ABCB4: variants seen among roughly 807,000 people sequenced by gnomAD.
ABCB4 encodes the protein ATP binding cassette subfamily B member 4, also known as phosphatidylcholine translocator ABCB4.
In ABCB4, 76 loss-of-function variants were observed where a neutral mutation model predicts 145.7. The ratio of observed to expected loss-of-function variants is 0.52; its 90% CI spans 0.43 to 0.63. The LOEUF (loss-of-function observed/expected upper bound fraction) is 0.63. ABCB4 is among the 30% of genes least tolerant of loss of function. The pLI, the probability that ABCB4 is intolerant of heterozygous loss-of-function variation, is 0.00. For synonymous variants in ABCB4, 517 were observed against 566.8 expected (o/e 0.91, Z 1.25); for missense variants, 1,234 against 1,553.1 (o/e 0.79, Z 3.45).
At chr7:87,375,971 C>T in the ABCB4 span, 53 of 1,302,486 alleles carry the variant, frequency 4.1e-5, no homozygotes, top group South Asian at 1.6e-4. Flanking sequence ...ACTACCTTCT[C>T]TTTTTTTTTT....
At position 87,440,115 on chromosome 7, in the gene ABCB4, A is replaced by G. The variant is rs45471996; in HGVS notation, c.1560+84T>C. On this transcript the variant is annotated intron_variant, in intron 13 of 27. Transcript: ENST00000649586. ...TGGACAATCTTGCATCTCAAACATT[A>G]TTAGCTAAACCTTTGAAGAATAAAC... The G allele has an allele frequency of 1.3e-4, 189 of 1,443,834 alleles. 2 individuals are homozygous for G. The East Asian group carries it at 3.9e-3, about 30-fold the overall frequency. The allele number at this position is 1,443,834 out of a possible 1,614,324, so 89.4% of individuals were successfully genotyped here. A position where few individuals can be genotyped will look rare whatever the true frequency, so the allele number is the denominator to read the frequency against.
chr7:87,403,009 T>TA, intron 27 of ABCB4, 126 bp downstream of exon 27: 6 of 1,116,916 alleles, frequency 5.4e-6, no homozygotes, highest in Non-Finnish European at 8.1e-6. Context: ...AAAATAAAAA[T>TA]AAAAACCACT....
rs1302360115 is a variant in ABCB4, at chr7:87,420,060, T to C, written c.2332A>G (p.Lys778Glu). The change falls in exon 19 of 28, where the codon AAA (lysine) becomes GAA (glutamate). Residue 778 changes from lysine to glutamate, a missense_variant. Physicochemically the swap from Lys to Glu is moderately conservative, Grantham distance 56. Around this residue, in one of 7 missense-constraint regions of ABCB4, gnomAD observed 321 missense variants for 332.6 expected, o/e 0.97. Coordinates refer to ENST00000649586, the MANE Select transcript of ABCB4 (RefSeq NM_000443.4). Reference sequence around the variant, plus strand: ...CTTCTGGTGAGGATCTCGCCAGCTTTCCCAAACGTGAAACCCTGGTTGAGA... The same window carrying C: ...CTTCTGGTGAGGATCTCGCCAGCTTCCCCAAACGTGAAACCCTGGTTGAGA... ...TFFLQGFTFG[K>E]AGEILTRRLR... 6.2e-7 allele frequency: 1 copy of C among 1,614,104 alleles called. No individual in the cohort carries two copies. Among genetic ancestry groups the C allele is most frequent in the Admixed American group, 1.7e-5 (1 of 60,018 alleles).
rs148792791 is a variant in ABCB4 at position 87,431,514 on chromosome 7, G to A, written c.1783C>T (p.Arg595Ter). 9.9e-6 allele frequency: 16 copies of A among 1,613,914 alleles called. No homozygotes were observed. Among genetic ancestry groups the A allele is most frequent in the South Asian group, 9.9e-5 (9 of 91,076 alleles). ...IVIAHRLSTV[R>*]NADVIAGFED... ...AACCCAGCGATGACATCTGCATTTC[G>A]GACCGTAGACAGTCGGTGTGCTATC... The change falls in exon 15 of 28, where the codon CGA becomes TGA. Residue 595 changes from arginine (R) to a stop codon, truncating the protein, a stop_gained. Transcript: ENST00000649586. LOFTEE classifies it high-confidence loss of function.
chr7:87,387,466 T>C, the ABCB4 span, among the ~76,000 whole-genome samples: 2 of 152,132 alleles, frequency 1.3e-5, no homozygotes, highest in Admixed American at 1.3e-4. Flanking sequence ...GCTATACTTT[T>C]TTTTTTTGTA....
chr7:87,439,092 G>A (rs190514903), intron 14 of ABCB4, among the ~76,000 whole-genome samples: 153 of 152,228 alleles, frequency 1.0e-3, no homozygotes, highest in African/African-American at 3.6e-3. Context: ...ACCAAGATAA[G>A]GTCTTTCCTG....
intron 4 of ABCB4, among the ~76,000 whole-genome samples, chr7:87,462,505 C>T (rs1295982639): frequency 6.6e-6 from 1 of 152,190 alleles, no homozygotes; most frequent in Non-Finnish European, 1.5e-5. Flanking sequence ...GACTTCCTTA[C>T]TTTATTTAGA....
intron 9 of ABCB4, among the ~76,000 whole-genome samples, chr7:87,446,832 C>CT (rs1277808372): frequency 6.6e-6 from 1 of 152,162 alleles, no homozygotes; most frequent in African/African-American, 2.4e-5. Flanking sequence ...TAACCACATG[C>CT]TATTTTCTTA....
Position 87,439,793 on chromosome 7 carries a change from A to G in ABCB4, c.1605T>C (p.Gly535=). The change falls in exon 14 of 28, where the codon GGT becomes GGC. Residue 535 remains glycine (G), a synonymous_variant. Coordinates refer to ENST00000649586, the MANE Select transcript of ABCB4 (RefSeq NM_000443.4). ...LVGERGAQLS[G]GQKQRIAIAR... ...CAATGGCGATCCTCTGCTTCTGCCCACCACTCAGCTGGGCCCCTCTCTCTC... is the reference window on the plus strand; with the variant it reads ...CAATGGCGATCCTCTGCTTCTGCCCGCCACTCAGCTGGGCCCCTCTCTCTC... 6.2e-7 allele frequency: 1 copy of G among 1,614,160 alleles called. No individual in the cohort carries two copies. The highest frequency in any genetic ancestry group is 8.5e-7 in the Non-Finnish European group (1 of 1,180,024).
At chr7:87,454,690 G>T in intron 4 of ABCB4, 98 bp from the exon 5 acceptor site, 1 of 858,542 alleles carries the variant, frequency 1.2e-6, no homozygotes, top group Non-Finnish European at 1.9e-6. Flanking sequence ...ATGTATGAAA[G>T]CTAGAAGATG....
At chr7:87,418,099 C>T (rs897066102) in intron 20 of ABCB4, among the ~76,000 whole-genome samples, 4 of 152,178 alleles carry the variant, frequency 2.6e-5, no homozygotes, top group South Asian at 4.1e-4. Context: ...GGGTGGGGGA[C>T]GTAGGCCACT....
Position 87,452,875 on chromosome 7 carries a change from C to CT in ABCB4, c.536+68dup, listed in dbSNP as rs1811841190. The CT allele has an allele frequency of 3.9e-6, 6 of 1,527,922 alleles. No individual in the cohort carries two copies. The Admixed American group carries it at 1.0e-4, about 26-fold the overall frequency. 94.6% of individuals were successfully genotyped at this position (1,527,922 alleles called of 1,614,324 possible). ...TCTAGTAACATTTTTCATTTAAAAT[C>CT]TTTCCTTGACATATTTTCACACAGT... On this transcript the variant is annotated intron_variant, in intron 6 of 27. Transcript: ENST00000649586.
At chr7:87,461,557 T>C (rs1812461897) in intron 4 of ABCB4, among the ~76,000 whole-genome samples, 1 of 152,186 alleles carries the variant, frequency 6.6e-6, no homozygotes, top group Non-Finnish European at 1.5e-5. Flanking sequence ...ATAATGTATG[T>C]AAAGTGCTCA....
chr7:87,395,994 G>C, the ABCB4 span, among the ~76,000 whole-genome samples: 2 of 152,158 alleles, frequency 1.3e-5, no homozygotes, highest in Non-Finnish European at 2.9e-5. Context: ...AAGCAGTCAA[G>C]CCCAAAACAA....
the ABCB4 span, among the ~76,000 whole-genome samples, chr7:87,378,426 G>A: frequency 7.9e-5 from 12 of 151,944 alleles, no homozygotes; most frequent in African/African-American, 2.4e-4. Context: ...TCAAACTAGC[G>A]TTAGCGTAAG....
At chr7:87,464,595 C>T (rs748720512) in intron 3 of ABCB4, among the ~76,000 whole-genome samples, 5 of 152,088 alleles carry the variant, frequency 3.3e-5, no homozygotes, top group Admixed American at 6.5e-5. Context: ...AAATTTAAAA[C>T]GAGGTGAATT....
At chr7:87,412,875 G>A (rs1042672006) in intron 22 of ABCB4, among the ~76,000 whole-genome samples, 4 of 152,132 alleles carry the variant, frequency 2.6e-5, no homozygotes, top group African/African-American at 9.7e-5. Context: ...CATGTTTTAT[G>A]TCAAACAACA....
At chr7:87,392,029 G>A in the ABCB4 span, among the ~76,000 whole-genome samples, 1 of 152,160 alleles carries the variant, frequency 6.6e-6, no homozygotes, top group African/African-American at 2.4e-5. Flanking sequence ...GCCTTTAAAA[G>A]GAAGGTTTTC....
Position 87,403,210 on chromosome 7 carries a change from G to GGCAATA in ABCB4, c.3552_3557dup (p.Ile1185_Ala1186dup). The GGCAATA allele has an allele frequency of 1.2e-6, 2 of 1,613,732 alleles. No homozygotes were observed. Among genetic ancestry groups the GGCAATA allele is most frequent in the Non-Finnish European group, 1.7e-6 (2 of 1,179,804 alleles). ...TTTGAGGTTGTCTGATGAGGGCTCG[G>GGCAATA]GCAATAGCAATCCTCTGTTTTTGAC... On this transcript the variant is annotated inframe_insertion, in exon 27 of 28. Transcript: ENST00000649586.
Sources: allele counts gnomAD v4.1 joint callset (sites outside exome capture counted in the v4.1 genomes callset), GRCh38; gene constraint gnomAD v4.1.1; regional missense constraint gnomAD v4.1.1; transcripts MANE v1.5; gene names NCBI Gene and HGNC (gene_info 2026-07-23, HGNC 2026-07-21).